HPS5: variants seen among roughly 807,000 people sequenced by gnomAD.
The protein encoded by HPS5 is HPS5 biogenesis of lysosomal organelles complex 2 subunit 2.
In HPS5, 83 loss-of-function variants were observed where a neutral mutation model predicts 128.0. The ratio of observed to expected loss-of-function variants is 0.65; its 90% confidence interval spans 0.54 to 0.78. The LOEUF (loss-of-function observed/expected upper bound fraction) is 0.78. Ranked by LOEUF, HPS5 falls within the 30% of genes least tolerant of loss-of-function variation. The probability of loss-of-function intolerance (pLI) is 0.00; values close to 1 mark genes in which losing one functional copy is unlikely to be tolerated. For synonymous variants in HPS5, 475 were observed against 470.2 expected (o/e 1.01, Z -0.13); for missense variants, 1,281 against 1,326.2 (o/e 0.97, Z 0.53).
At position 18,298,900 on chromosome 11, in the gene HPS5, G is replaced by C. The variant is rs1218584078; in HGVS notation, c.1056C>G (p.Leu352=). 6.2e-7 allele frequency: 1 copy of C among 1,614,006 alleles called. No individual in the cohort carries two copies. Among genetic ancestry groups the C allele is most frequent in the East Asian group, 2.2e-5 (1 of 44,898 alleles). Residue 352 remains leucine, a synonymous_variant, in exon 10 of 23, where the codon CTC becomes CTG. Transcript: ENST00000349215. ...CACAGCGCTCCACAGATATCAGGGA[G>C]AGATGTGAGACTTTCCCATTTAGGT... The part of the protein sequence containing the change: ...CLHLNGKVSH[L]SLISVERCVE...
chr11:18,285,728 C>A (rs1282688436), intron 19 of HPS5, among the ~76,000 whole-genome samples: 1 of 151,704 alleles, frequency 6.6e-6, no homozygotes. Flanking sequence ...CACAGATAAC[C>A]ACTGCATATC....
intron 2 of HPS5, among the ~76,000 whole-genome samples, chr11:18,314,811 C>T (rs1024751986): frequency 6.6e-6 from 1 of 152,122 alleles, no homozygotes; most frequent in East Asian, 1.9e-4. Flanking sequence ...AGCAATGCTC[C>T]CAACTCAGCC....
Position 18,293,610 on chromosome 11 carries a change from A to G in HPS5, c.1785-634T>C, listed in dbSNP as rs187658385. On this transcript the variant is annotated intron_variant, in intron 14 of 22. Transcript: ENST00000349215. ...AAGAAAGGCATGCAAACAACTAAGT[A>G]TAATTTAAAAAAAGAGTAAGTTGAA... Among the ~76,000 whole-genome samples, 531 of 152,364 alleles carry G rather than the reference A, an allele frequency of 3.5e-3. 4 individuals are homozygous for G. Among genetic ancestry groups the G allele is most frequent in the Middle Eastern group, 0.02 (6 of 294 alleles).
At chr11:18,294,608 A>G (rs1860826681) in intron 14 of HPS5, among the ~76,000 whole-genome samples, 1 of 152,126 alleles carries the variant, frequency 6.6e-6, no homozygotes, top group Non-Finnish European at 1.5e-5. Context: ...TGCTCAATAG[A>G]TCTGCTTCGG....
rs1305779941 is a variant in HPS5, at chr11:18,285,582, C to T, written c.2838-123G>A. 7 of 709,838 alleles carry T rather than the reference C, an allele frequency of 9.9e-6. No homozygotes were observed. The African/African-American group carries it at 1.3e-4, about 13-fold the overall frequency. 44.0% of individuals were successfully genotyped at this position (709,838 alleles called of 1,614,324 possible). ...CTATTACTACATTTTAAAAACATTG[C>T]TATTTGGCTTTTGAAAACTTAAAAA... On this transcript the variant is annotated intron_variant, in intron 19 of 22. Coordinates refer to ENST00000349215, the MANE Select transcript of HPS5 (RefSeq NM_181507.2).
intron 13 of HPS5, 115 bp from the exon 14 acceptor site, chr11:18,295,284 G>T: frequency 1.1e-6 from 1 of 881,800 alleles, no homozygotes; most frequent in Non-Finnish European, 1.8e-6. Flanking sequence ...CTTGGACTTA[G>T]TAAAGACTGT....
intron 3 of HPS5, 57 bp from the exon 4 acceptor site, chr11:18,311,508 A>ATTTTTTTTTTTTTTTT: frequency 1.3e-6 from 1 of 779,140 alleles, no homozygotes; most frequent in South Asian, 2.3e-5. Context: ...TATTATTATT[A>ATTTTTTTTTTTTTTTT]TTATTTTTTT....
intron 16 of HPS5, among the ~76,000 whole-genome samples, chr11:18,289,872 C>T (rs1482110043): frequency 1.3e-5 from 2 of 152,204 alleles, no homozygotes; most frequent in Non-Finnish European, 2.9e-5. Context: ...TAGCTGGTTT[C>T]TATTATATGT....
In HPS5 at chr11:18,311,391, T is replaced by C. The variant is rs998832255; in HGVS notation, c.280A>G (p.Thr94Ala). 5 of 1,599,636 alleles carry C rather than the reference T, an allele frequency of 3.1e-6. No homozygotes were observed. In the East Asian group the frequency reaches 8.9e-5, roughly 29 times the overall value. Residue 94 changes from threonine (T) to alanine (A), a missense_variant, in exon 4 of 23, where the codon ACC (threonine) becomes GCC (alanine). Thr to Ala is a moderately conservative substitution (Grantham distance 58). Coordinates refer to ENST00000349215, the MANE Select transcript of HPS5 (RefSeq NM_181507.2). Reference sequence around the variant, plus strand: ...AGTTTTGGAACAGATTCTTACCTGGTAGCTACAGCAACATAATCATCATCA... The same window carrying C: ...AGTTTTGGAACAGATTCTTACCTGGCAGCTACAGCAACATAATCATCATCA... Reference protein sequence around the residue: ...LHDDDYVAVATSQGLVVVWEL... With the variant: ...LHDDDYVAVAASQGLVVVWEL...
chr11:18,308,993 C>T lies in HPS5; in HGVS notation c.564G>A (p.Arg188=). The T allele has an allele frequency of 4.3e-6, 7 of 1,613,830 alleles. No individual in the cohort carries two copies. Among genetic ancestry groups the T allele is most frequent in the Non-Finnish European group, 5.9e-6 (7 of 1,179,732 alleles). ...CVVQLDYLDG[R]LLISSLTRSF... ...ATCGAGTAAGTGAAGATATAAGTAG[C>T]CTTCCATCCAAATAATCTAACTGTA... Residue 188 remains arginine, a synonymous_variant, in exon 6 of 23, where the codon AGG becomes AGA. Coordinates refer to ENST00000349215, the MANE Select transcript of HPS5 (RefSeq NM_181507.2).
At chr11:18,282,663 T>C (rs1472810518) in intron 21 of HPS5, among the ~76,000 whole-genome samples, 1 of 152,158 alleles carries the variant, frequency 6.6e-6, no homozygotes, top group Admixed American at 6.5e-5. Flanking sequence ...ACACAATCCC[T>C]GTACTCTTGT....
At chr11:18,294,654 C>T (rs1267202676) in intron 14 of HPS5, among the ~76,000 whole-genome samples, 1 of 152,140 alleles carries the variant, frequency 6.6e-6, no homozygotes, top group East Asian at 1.9e-4. Flanking sequence ...TGGAATTTCA[C>T]AATTTTTATA....
chr11:18,309,817 A>AT (rs1862765569), intron 5 of HPS5, among the ~76,000 whole-genome samples: 1 of 152,174 alleles, frequency 6.6e-6, no homozygotes, highest in South Asian at 2.1e-4. Flanking sequence ...CCTGGGCAAC[A>AT]TGGCGAAACC....
rs150687707 is a variant in HPS5, at chr11:18,291,678, T to C, written c.2204A>G (p.Asn735Ser). ...SPCAIASGLR[N>S]DLAELTTLCL... ...TAATGTTGTCAATTCAGCCAGGTCG[T>C]TCCGAAGACCACTTGCAATGGCGCA... The change falls in exon 16 of 23, where the codon AAC becomes AGC. Residue 735 changes from asparagine (N) to serine (S), a missense_variant. Asn to Ser is a conservative substitution (Grantham distance 46, BLOSUM62 1). Transcript: ENST00000349215. 3 of 1,614,254 alleles carry C rather than the reference T, an allele frequency of 1.9e-6. No homozygotes were observed. The African/African-American group carries it at 4.0e-5, about 22-fold the overall frequency.
chr11:18,311,864 T>C (rs1863061858), intron 3 of HPS5, 50 bp downstream of exon 3: 2 of 1,219,292 alleles, frequency 1.6e-6, no homozygotes, highest in Non-Finnish European at 2.4e-6. Flanking sequence ...AAATTTGCAT[T>C]TATGAAAGAG....
chr11:18,296,479 G>A (rs974800868), intron 12 of HPS5: 3 of 572,610 alleles, frequency 5.2e-6, no homozygotes, highest in African/African-American at 3.7e-5. Context: ...CAATCCTGAT[G>A]AAAAATAATT....
intron 2 of HPS5, among the ~76,000 whole-genome samples, chr11:18,312,823 G>A (rs1432192168): frequency 6.6e-6 from 1 of 152,196 alleles, no homozygotes; most frequent in Non-Finnish European, 1.5e-5. Context: ...ATGTGCAATG[G>A]TAGAACAGGA....
At chr11:18,311,761 T>C (rs959669324) in intron 3 of HPS5, 153 bp downstream of exon 3, 42 of 716,092 alleles carry the variant, frequency 5.9e-5, no homozygotes, top group African/African-American at 5.8e-4. Context: ...TCCATCCGCC[T>C]TGGCCTCCCA....
At chr11:18,282,634 G>A (rs975053068) in intron 21 of HPS5, among the ~76,000 whole-genome samples, 2 of 152,182 alleles carry the variant, frequency 1.3e-5, no homozygotes, top group African/African-American at 4.8e-5. Flanking sequence ...CACTGGATAT[G>A]TAATGATGAA....
Sources: allele counts gnomAD v4.1 joint callset (sites outside exome capture counted in the v4.1 genomes callset), GRCh38; gene constraint gnomAD v4.1.1; transcripts MANE v1.5; gene names NCBI Gene and HGNC (gene_info 2026-07-23, HGNC 2026-07-21).